Variants in KCNK2 observed in about 807,000 individuals in gnomAD.
The protein encoded by KCNK2 is potassium two pore domain channel subfamily K member 2, also known as potassium channel subfamily K member 2.
KCNK2 carries 21 observed loss-of-function variants against 40.5 expected under a neutral mutation model. The ratio of observed to expected loss-of-function variants is 0.52; its 90% confidence interval spans 0.37 to 0.75. The LOEUF (loss-of-function observed/expected upper bound fraction) is 0.75, where lower values mean the gene tolerates loss of function less well. Among genes scored for constraint, KCNK2 ranks in the 30% least tolerant of loss-of-function variants. KCNK2 has a pLI of 0.00. For synonymous variants in KCNK2, 191 were observed against 202.2 expected (o/e 0.94, Z 0.47); for missense variants, 399 against 531.6 (o/e 0.75, Z 2.45).
At chr1:215,075,966 T>C (rs1571886158) in intron 1 of KCNK2, among the ~76,000 whole-genome samples, 1 of 152,142 alleles carries the variant, frequency 6.6e-6, no homozygotes, top group East Asian at 1.9e-4. Context: ...ACTTTGGGGG[T>C]GGGCCCCATA....
intron 2 of KCNK2, among the ~76,000 whole-genome samples, chr1:215,104,518 C>T (rs2102554733): frequency 6.6e-6 from 1 of 152,160 alleles, no homozygotes; most frequent in Non-Finnish European, 1.5e-5. Flanking sequence ...CTAGTGCCTG[C>T]TTGCTGCCTC....
chr1:215,086,623 C>T lies in KCNK2; in HGVS notation c.302C>T (p.Thr101Ile). The T allele has an allele frequency of 6.2e-7, 1 of 1,614,176 alleles. No individual in the cohort carries two copies. The highest frequency in any genetic ancestry group is 8.5e-7 in the Non-Finnish European group (1 of 1,180,018). ...ACCACCATTGTGATCCAGAAGCAAA[C>T]ATTCATATCCCAACATTCCTGTGTC... is the stretch of plus-strand genomic sequence containing the variant. The part of the protein sequence containing the change: ...QRTTIVIQKQ[T>I]FISQHSCVNS... The change falls in exon 2 of 7, where the codon ACA (threonine) becomes ATA (isoleucine). Residue 101 changes from threonine (T) to isoleucine (I), a missense_variant. Coordinates refer to ENST00000444842, the MANE Select transcript of KCNK2 (RefSeq NM_001017425.3).
chr1:215,194,899 T>C lies in KCNK2; in HGVS notation c.824-54T>C, dbSNP rs940529033. On this transcript the variant is annotated intron_variant, in intron 5 of 6. Coordinates refer to ENST00000444842, the MANE Select transcript of KCNK2 (RefSeq NM_001017425.3). ...GTTAGTAATTTTAGCAATACCTAGA[T>C]TGTTTACTTTTAAGACTATGAAGTT... 22 of 1,563,050 alleles carry C rather than the reference T, an allele frequency of 1.4e-5. No individual in the cohort carries two copies. In the African/African-American group the frequency reaches 2.5e-4, roughly 17 times the overall value.
chr1:215,214,108 GCT>G (rs1665858818), intron 6 of KCNK2, among the ~76,000 whole-genome samples: 2 of 152,116 alleles, frequency 1.3e-5, no homozygotes, highest in African/African-American at 2.4e-5. Context: ...TTCTTGCAAT[GCT>G]GTAAAGAAAT....
intron 1 of KCNK2, among the ~76,000 whole-genome samples, chr1:215,031,664 A>G (rs1657195003): frequency 6.6e-6 from 1 of 152,220 alleles, no homozygotes; most frequent in Non-Finnish European, 1.5e-5. Flanking sequence ...AAGATTGAAA[A>G]TAAAGGATAT....
chr1:215,042,975 A>G (rs1267454983), intron 1 of KCNK2, among the ~76,000 whole-genome samples: 3 of 152,212 alleles, frequency 2.0e-5, no homozygotes, highest in East Asian at 3.8e-4. Context: ...TGTATAAAAA[A>G]CATTTACTAT....
intron 6 of KCNK2, among the ~76,000 whole-genome samples, chr1:215,212,231 T>C (rs2102689967): frequency 6.6e-6 from 1 of 152,252 alleles, no homozygotes; most frequent in Admixed American, 6.5e-5. Flanking sequence ...ACTTACATTG[T>C]TTTACTTTTA....
In KCNK2 at chr1:215,123,167, A is replaced by C. The variant is rs527288323; in HGVS notation, c.358-1466A>C. 2.0e-5 allele frequency among the ~76,000 whole-genome samples: 3 copies of C among 152,292 alleles called. No homozygotes were observed. The South Asian group carries it at 6.2e-4, about 32-fold the overall frequency. ...ACAACAGCACATTTTATATTAATTC[A>C]AATTTTAGAACAACATATATATCTA... On this transcript the variant is annotated intron_variant, in intron 2 of 6. Coordinates refer to ENST00000444842, the MANE Select transcript of KCNK2 (RefSeq NM_001017425.3).
At chr1:215,025,906 T>C (rs1452483822) in intron 1 of KCNK2, among the ~76,000 whole-genome samples, 1 of 152,094 alleles carries the variant, frequency 6.6e-6, no homozygotes, top group African/African-American at 2.4e-5. Flanking sequence ...TTTATGTATT[T>C]TTACATTTTA....
chr1:215,007,035 ATATG>A (rs1187852495), intron 1 of KCNK2, among the ~76,000 whole-genome samples: 48 of 56,602 alleles, frequency 8.5e-4, no homozygotes, highest in African/African-American at 1.3e-3. Context: ...ATATATATAT[ATATG>A]TGTGTGTGTG....
At chr1:215,019,131 G>C (rs1465998705) in intron 1 of KCNK2, among the ~76,000 whole-genome samples, 2 of 152,194 alleles carry the variant, frequency 1.3e-5, no homozygotes, top group Non-Finnish European at 1.5e-5. Flanking sequence ...TTCTCCAACA[G>C]AAGGTAGATT....
chr1:215,093,146 CAG>C (rs1181815603), intron 2 of KCNK2, among the ~76,000 whole-genome samples: 3 of 151,772 alleles, frequency 2.0e-5, no homozygotes, highest in Admixed American at 6.6e-5. Flanking sequence ...TTGAAATGAA[CAG>C]AGATTCTAAT....
chr1:215,010,366 T>C (rs1404331181), intron 1 of KCNK2, among the ~76,000 whole-genome samples: 2 of 152,214 alleles, frequency 1.3e-5, no homozygotes, highest in Non-Finnish European at 2.9e-5. Context: ...ATGCTTCTGA[T>C]TGGTGGCATT....
chr1:215,109,406 C>A (rs1660582021), intron 2 of KCNK2, among the ~76,000 whole-genome samples: 1 of 152,000 alleles, frequency 6.6e-6, no homozygotes, highest in African/African-American at 2.4e-5. Flanking sequence ...CCACTCTCTA[C>A]CTCCGTGGGA....
rs1030277047 is a variant in KCNK2 at position 215,236,675 on chromosome 1, A to G, written c.*1530A>G. ...ATTTTCATACTTAGATCTGCTGTAC[A>G]TTGTATATATATATAATTTTTAAAA... On this transcript the variant is annotated 3_prime_UTR_variant, in exon 7 of 7. Transcript: ENST00000444842. 6.6e-6 allele frequency: 1 copy of G among 152,210 alleles called. No individual in the cohort carries two copies. The highest frequency in any genetic ancestry group is 2.4e-5 in the African/African-American group (1 of 41,390). The allele number at this position is 152,210 out of a possible 1,614,324, so 9.4% of individuals were successfully genotyped here. A position where few individuals can be genotyped will look rare whatever the true frequency, so the allele number is the denominator to read the frequency against.
At chr1:215,178,526 T>A (rs78072292) in intron 5 of KCNK2, among the ~76,000 whole-genome samples, 1 of 152,142 alleles carries the variant, frequency 6.6e-6, no homozygotes. Flanking sequence ...TTTTGACATA[T>A]GTTTCATCAA....
At chr1:215,029,925 T>G (rs1657127190) in intron 1 of KCNK2, among the ~76,000 whole-genome samples, 1 of 152,144 alleles carries the variant, frequency 6.6e-6, no homozygotes, top group Non-Finnish European at 1.5e-5. Context: ...CTTTGGATAA[T>G]AAGAAGGAGC....
intron 6 of KCNK2, among the ~76,000 whole-genome samples, chr1:215,228,513 T>A (rs1261278389): frequency 6.6e-6 from 1 of 152,138 alleles, no homozygotes. Flanking sequence ...TAAGAATACA[T>A]GGAATTCCAG....
intron 3 of KCNK2, among the ~76,000 whole-genome samples, chr1:215,131,988 A>G (rs931131145): frequency 1.3e-5 from 2 of 152,218 alleles, no homozygotes; most frequent in African/African-American, 4.8e-5. Context: ...AGTTTGGTAT[A>G]ATGCTTAAGT....
Sources: allele counts gnomAD v4.1 joint callset (sites outside exome capture counted in the v4.1 genomes callset), GRCh38; gene constraint gnomAD v4.1.1; transcripts MANE v1.5; gene names NCBI Gene and HGNC (gene_info 2026-07-23, HGNC 2026-07-21).